The following MGAT4D variants were observed in gnomAD, a reference collection of about 807,000 sequenced individuals.
The protein encoded by MGAT4D is MGAT4 family member D.
A neutral mutation model predicts 15.9 loss-of-function variants in MGAT4D; 34 were observed. The ratio of observed to expected loss-of-function variants is 2.14; its 90% CI spans 1.62 to 2.84. The LOEUF is 2.84. MGAT4D is among the 30% of genes most tolerant of loss of function. MGAT4D has a pLI of 0.00. For missense variants in MGAT4D, 327 were observed against 140.2 expected (o/e 2.33, Z -6.73); for synonymous variants, 112 against 48.2 (o/e 2.33, Z -5.49).
intron 10 of MGAT4D, among the ~76,000 whole-genome samples, chr4:140,445,078 T>C (rs1730031615): frequency 6.6e-6 from 1 of 151,954 alleles, no homozygotes; most frequent in Non-Finnish European, 1.5e-5. Context: ...AGAGATGGGG[T>C]TTCACTATGT....
intron 4 of MGAT4D, among the ~76,000 whole-genome samples, chr4:140,473,994 G>A (rs1022591482): frequency 1.3e-5 from 2 of 151,996 alleles, no homozygotes; most frequent in African/African-American, 4.8e-5. Flanking sequence ...GAACCACCAT[G>A]CCCCACCATT....
intron 1 of MGAT4D, among the ~76,000 whole-genome samples, chr4:140,485,839 A>AAAAAAAAAAAAAAAAAAAAAAAAC: frequency 7.1e-6 from 1 of 140,350 alleles, no homozygotes; most frequent in Admixed American, 7.1e-5. Context: ...AAAAAAAAAA[A>AAAAAAAAAAAAAAAAAAAAAAAAC]AAAAAAAAAG....
chr4:140,466,239 G>C lies in MGAT4D; in HGVS notation c.573-1230C>G, dbSNP rs569200357. Among the ~76,000 whole-genome samples, 5 of 152,280 alleles carry C rather than the reference G, an allele frequency of 3.3e-5. No homozygotes were observed. The South Asian group carries it at 6.2e-4, about 19-fold the overall frequency. Reference sequence around the variant, plus strand: ...GGGAATGTTGACACCTCCTCTATTTGAGAGACTCTAGAGATGCAACAAAGG... The same window carrying C: ...GGGAATGTTGACACCTCCTCTATTTCAGAGACTCTAGAGATGCAACAAAGG... On this transcript the variant is annotated intron_variant, in intron 5 of 10. Coordinates refer to ENST00000511113, the MANE Select transcript of MGAT4D (RefSeq NM_001277353.2).
chr4:140,453,565 C>T (rs927712106), intron 9 of MGAT4D, among the ~76,000 whole-genome samples: 1 of 151,960 alleles, frequency 6.6e-6, no homozygotes, highest in African/African-American at 2.4e-5. Flanking sequence ...TGTGTCCCCA[C>T]CCAAATTTCA....
chr4:140,455,507 A>G (rs972712767), intron 9 of MGAT4D, among the ~76,000 whole-genome samples: 6 of 152,094 alleles, frequency 3.9e-5, no homozygotes, highest in African/African-American at 1.4e-4. Context: ...TGAATGTTGT[A>G]TCTGTTTTTT....
chr4:140,497,087 T>A (rs764152236), intron 1 of MGAT4D, among the ~76,000 whole-genome samples: 5 of 152,336 alleles, frequency 3.3e-5, no homozygotes, highest in African/African-American at 4.8e-5. Flanking sequence ...TTTGTGTATA[T>A]GATGATAAAA....
intron 1 of MGAT4D, among the ~76,000 whole-genome samples, chr4:140,489,622 C>T (rs529692022): frequency 3.3e-5 from 5 of 152,252 alleles, no homozygotes; most frequent in African/African-American, 1.2e-4. Flanking sequence ...ATAAATAAAA[C>T]TCTGTACTTG....
chr4:140,495,256 A>G (rs1465158818), intron 1 of MGAT4D, among the ~76,000 whole-genome samples: 1 of 152,220 alleles, frequency 6.6e-6, no homozygotes, highest in Non-Finnish European at 1.5e-5. Context: ...TTGAGAATCT[A>G]TTCAAATATA....
intron 10 of MGAT4D, among the ~76,000 whole-genome samples, chr4:140,443,920 TAA>T (rs1729925989): frequency 1.3e-5 from 2 of 152,220 alleles, no homozygotes; most frequent in South Asian, 4.1e-4. Flanking sequence ...GCTTTTAATA[TAA>T]GATTATATGG....
Position 140,483,574 on chromosome 4 carries a change from A to G in MGAT4D, c.95-1089T>C, listed in dbSNP as rs527696730. On this transcript the variant is annotated intron_variant, in intron 1 of 10. Coordinates refer to ENST00000511113, the MANE Select transcript of MGAT4D (RefSeq NM_001277353.2). ...AAAAGCCAAAGCAATCTTGAATGAA[A>G]GAACAAAGCTGGAGACATCACACTA... is the stretch of plus-strand genomic sequence containing the variant. Among the ~76,000 whole-genome samples the G allele has an allele frequency of 3.5e-4, 54 of 152,300 alleles. 1 individual carries two copies. The highest frequency in any genetic ancestry group is 1.3e-3 in the African/African-American group (52 of 41,562).
At chr4:140,473,789 C>T (rs1436187562) in intron 4 of MGAT4D, among the ~76,000 whole-genome samples, 2 of 152,146 alleles carry the variant, frequency 1.3e-5, no homozygotes, top group East Asian at 1.9e-4. Flanking sequence ...GGCTCTACCT[C>T]CTGGGCTCAA....
chr4:140,493,939 A>G (rs1265346965), intron 1 of MGAT4D, among the ~76,000 whole-genome samples: 6 of 152,174 alleles, frequency 3.9e-5, no homozygotes, highest in African/African-American at 1.4e-4. Context: ...CAGAGGCAAG[A>G]GTAGTAGCAG....
intron 5 of MGAT4D, among the ~76,000 whole-genome samples, chr4:140,470,502 A>G (rs1489881611): frequency 6.6e-6 from 1 of 152,246 alleles, no homozygotes; most frequent in Non-Finnish European, 1.5e-5. Flanking sequence ...GCCCTGGTCT[A>G]CAGCACAGAG....
At chr4:140,476,857 A>T (rs925313047) in intron 3 of MGAT4D, among the ~76,000 whole-genome samples, 5 of 152,172 alleles carry the variant, frequency 3.3e-5, no homozygotes, top group Non-Finnish European at 7.3e-5. Context: ...TATCTTTCAT[A>T]GTACTCATCA....
intron 8 of MGAT4D, 63 bp from the exon 9 acceptor site, chr4:140,456,782 G>T: frequency 1.8e-6 from 1 of 543,164 alleles, no homozygotes; most frequent in Admixed American, 3.3e-5. Context: ...CCTTTAACAT[G>T]GGAAAAAGCA....
At chr4:140,479,967 G>A (rs536153645) in intron 2 of MGAT4D, among the ~76,000 whole-genome samples, 2 of 152,154 alleles carry the variant, frequency 1.3e-5, no homozygotes, top group South Asian at 4.1e-4. Context: ...TATTAAATTT[G>A]TATCTTTATA....
chr4:140,471,285 T>TC (rs1491224524), intron 5 of MGAT4D, among the ~76,000 whole-genome samples: 1 of 148,808 alleles, frequency 6.7e-6, no homozygotes, highest in South Asian at 2.2e-4. Context: ...CTTCCTTCCT[T>TC]CTCTCTCTTT....
chr4:140,467,201 A>T (rs1212941984), intron 5 of MGAT4D, among the ~76,000 whole-genome samples: 1 of 152,122 alleles, frequency 6.6e-6, no homozygotes, highest in Non-Finnish European at 1.5e-5. Context: ...AAAGATTTTT[A>T]AAAAACGAAT....
At chr4:140,475,870 G>A (rs1389016982) in intron 3 of MGAT4D, among the ~76,000 whole-genome samples, 1 of 138,544 alleles carries the variant, frequency 7.2e-6, no homozygotes, top group Non-Finnish European at 1.5e-5. Context: ...GGAGTGCAAT[G>A]GCTCAATCTC....
Sources: allele counts gnomAD v4.1 joint callset (sites outside exome capture counted in the v4.1 genomes callset), GRCh38; gene constraint gnomAD v4.1.1; transcripts MANE v1.5; gene names NCBI Gene and HGNC (gene_info 2026-07-23, HGNC 2026-07-21).